Variants in CPNE4 observed in about 807,000 individuals in gnomAD.
CPNE4 encodes copine-4.
A neutral mutation model predicts 67.9 loss-of-function variants in CPNE4; 25 were observed. The observed-to-expected ratio is 0.37, with a 90% CI of 0.27 to 0.51. The LOEUF (loss-of-function observed/expected upper bound fraction) is 0.51, where lower values mean the gene tolerates loss of function less well. Among genes scored for constraint, CPNE4 ranks in the 20% least tolerant of loss-of-function variants. The pLI, the probability that CPNE4 is intolerant of heterozygous loss-of-function variation, is 0.93. For synonymous variants in CPNE4, 242 were observed against 244.9 expected, an observed-to-expected ratio of 0.99 and a Z score of 0.11; for missense variants, 464 against 690.8, an observed-to-expected ratio of 0.67 and a Z score of 3.68.
intron 1 of CPNE4, among the ~76,000 whole-genome samples, chr3:131,981,401 G>A (rs73208126): frequency 0.073 from 11,152 of 152,150 alleles, 434 homozygotes; most frequent in East Asian, 0.14. Context: ...AGATTCCCAA[G>A]TCACTGGAGT....
chr3:132,033,026 AAAT>A (rs1437306067), intron 1 of CPNE4, among the ~76,000 whole-genome samples: 50 of 152,394 alleles, frequency 3.3e-4, no homozygotes, highest in African/African-American at 1.1e-3. Context: ...ATAAAGCAGA[AAAT>A]AAAACACAAA....
chr3:131,928,195 T>A (rs1396813818), intron 1 of CPNE4, among the ~76,000 whole-genome samples: 1 of 152,190 alleles, frequency 6.6e-6, no homozygotes, highest in Non-Finnish European at 1.5e-5. Flanking sequence ...AAACATGAGT[T>A]CTTATATGAT....
intron 2 of CPNE4, among the ~76,000 whole-genome samples, chr3:131,845,095 C>G (rs1486982585): frequency 1.3e-5 from 2 of 152,154 alleles, no homozygotes; most frequent in Non-Finnish European, 2.9e-5. Flanking sequence ...AAAATAGACT[C>G]AAAGTTTTGA....
At chr3:131,806,466 C>T (rs1208135611) in intron 2 of CPNE4, among the ~76,000 whole-genome samples, 1 of 148,530 alleles carries the variant, frequency 6.7e-6, no homozygotes, top group East Asian at 2.0e-4. Flanking sequence ...AGGAGAATGG[C>T]ATGAACCCGG....
intron 1 of CPNE4, among the ~76,000 whole-genome samples, chr3:132,008,352 AAAT>A (rs1197182215): frequency 6.6e-6 from 1 of 152,210 alleles, no homozygotes; most frequent in Non-Finnish European, 1.5e-5. Context: ...GTGTTGATAA[AAAT>A]AATATCATTT....
intron 1 of CPNE4, among the ~76,000 whole-genome samples, chr3:132,018,461 A>T (rs1159686508): frequency 6.6e-6 from 1 of 152,220 alleles, no homozygotes; most frequent in African/African-American, 2.4e-5. Context: ...TAATTTGCCA[A>T]CTGAGTTTCA....
At chr3:131,597,435 A>G (rs544373985) in intron 7 of CPNE4, among the ~76,000 whole-genome samples, 4 of 152,210 alleles carry the variant, frequency 2.6e-5, no homozygotes, top group African/African-American at 9.6e-5. Context: ...CGTTCTGCAC[A>G]TGTAACCCGG....
chr3:131,945,674 T>C (rs1423044104), intron 1 of CPNE4, among the ~76,000 whole-genome samples: 1 of 152,186 alleles, frequency 6.6e-6, no homozygotes. Flanking sequence ...ACCTACTCTG[T>C]TCTCTTCCCA....
chr3:131,733,577 G>A (rs1287308151), intron 2 of CPNE4, among the ~76,000 whole-genome samples: 3 of 152,138 alleles, frequency 2.0e-5, no homozygotes. Flanking sequence ...ATCAGAAACT[G>A]CCTCACAAAA....
intron 2 of CPNE4, among the ~76,000 whole-genome samples, chr3:131,776,541 C>G (rs76187147): frequency 6.6e-6 from 1 of 152,210 alleles, no homozygotes; most frequent in Admixed American, 6.5e-5. Flanking sequence ...ATTGTGGGAA[C>G]TTTATTTCAG....
At chr3:131,780,394 A>C (rs1237109512) in intron 2 of CPNE4, among the ~76,000 whole-genome samples, 1 of 152,160 alleles carries the variant, frequency 6.6e-6, no homozygotes, top group Non-Finnish European at 1.5e-5. Flanking sequence ...TCATTGTGGT[A>C]CTATTCACAA....
At chr3:131,663,342 A>G (rs2080175987) in intron 7 of CPNE4, among the ~76,000 whole-genome samples, 1 of 152,134 alleles carries the variant, frequency 6.6e-6, no homozygotes. Context: ...GGAGAGCATC[A>G]GGACAAATAC....
chr3:131,987,510 C>T (rs13060169), intron 1 of CPNE4, among the ~76,000 whole-genome samples: 43,075 of 151,400 alleles, frequency 0.28, 6,430 homozygotes, highest in South Asian at 0.39. Flanking sequence ...CCTCAGCCTC[C>T]TGAGTAGCTG....
chr3:131,961,207 C>A (rs1192166716), intron 1 of CPNE4, among the ~76,000 whole-genome samples: 1 of 152,134 alleles, frequency 6.6e-6, no homozygotes, highest in East Asian at 1.9e-4. Flanking sequence ...TTTAGAGTAA[C>A]TCCCTCATAG....
chr3:131,628,042 A>T (rs1298760331), intron 7 of CPNE4, among the ~76,000 whole-genome samples: 1 of 152,228 alleles, frequency 6.6e-6, no homozygotes, highest in Non-Finnish European at 1.5e-5. Context: ...CATGGGTAAA[A>T]TGCTGTCAAA....
At chr3:131,967,232 T>C (rs1038335624) in intron 1 of CPNE4, among the ~76,000 whole-genome samples, 8 of 152,044 alleles carry the variant, frequency 5.3e-5, no homozygotes, top group Admixed American at 3.9e-4. Flanking sequence ...CTAAAAATAA[T>C]AAGAGCTATT....
chr3:131,985,348 T>C (rs1203294582), intron 1 of CPNE4, among the ~76,000 whole-genome samples: 2 of 152,210 alleles, frequency 1.3e-5, no homozygotes, highest in African/African-American at 2.4e-5. Context: ...CCCAAATCCT[T>C]GTCTTGGAGT....
chr3:131,643,274 G>T (rs1207858389), intron 7 of CPNE4, among the ~76,000 whole-genome samples: 1 of 152,192 alleles, frequency 6.6e-6, no homozygotes, highest in Non-Finnish European at 1.5e-5. Flanking sequence ...GTATCTGGTG[G>T]AAGGTATCTG....
intron 6 of CPNE4, among the ~76,000 whole-genome samples, chr3:131,680,615 T>C (rs2080723309): frequency 1.3e-5 from 2 of 152,166 alleles, no homozygotes; most frequent in African/African-American, 4.8e-5. Flanking sequence ...TTCATTATAC[T>C]TTCTTTCTAA....
Sources: gnomAD v4.1 joint callset for allele counts (sites outside exome capture counted in the v4.1 genomes callset) on GRCh38, gnomAD v4.1.1 for gene constraint, MANE v1.5 for transcripts, NCBI Gene and HGNC (gene_info 2026-07-23, HGNC 2026-07-21) for gene names.